The following HES3 variants were observed in gnomAD, a reference collection of about 807,000 sequenced individuals.
HES3 encodes hes family bHLH transcription factor 3, also known as transcription factor HES-3.
HES3 carries 6 observed loss-of-function variants against 8.0 expected under a neutral mutation model. The observed-to-expected ratio is 0.75, with a 90% CI of 0.41 to 1.49. The LOEUF is 1.49. Ranked by LOEUF, HES3 falls within the 40% of genes most tolerant of loss-of-function variation. HES3 has a pLI of 0.01. For synonymous variants in HES3, 121 were observed against 119.4 expected (o/e 1.01, Z -0.09); for missense variants, 266 against 260.9 (o/e 1.02, Z -0.13).
chr1:6,245,017 C>T, intron 3 of HES3, 93 bp from the exon 4 acceptor site: 1 of 253,350 alleles, frequency 3.9e-6, no homozygotes, highest in Non-Finnish European at 7.6e-6. Flanking sequence ...TTCCTCCCCT[C>T]CCCTCCCTCC....
chr1:6,244,290 T>TG (rs978473236), intron 1 of HES3, 49 bp downstream of exon 1: 151 of 1,346,132 alleles, frequency 1.1e-4, no homozygotes, highest in South Asian at 2.7e-4. Context: ...CCGGGAGGTG[T>TG]GGGGGGGTGC....
chr1:6,244,215 G>A lies in HES3; in HGVS notation c.-42G>A, dbSNP rs994029364. 7.3e-6 allele frequency: 5 copies of A among 680,684 alleles called. No homozygotes were observed. Among genetic ancestry groups the A allele is most frequent in the Non-Finnish European group, 1.3e-5 (5 of 384,808 alleles). The allele number at this position is 680,684 out of a possible 1,614,324, so 42.2% of individuals were successfully genotyped here. A position where few individuals can be genotyped will look rare whatever the true frequency, so the allele number is the denominator to read the frequency against. ...CATGGGCACGGAGCCTGCTGCCCGG[G>A]GCAGCCTCCCCGGCAACTTCCGAAA... On this transcript the variant is annotated 5_prime_UTR_variant, in exon 1 of 4. Transcript: ENST00000377898.
chr1:6,245,333 G>T lies in HES3; in HGVS notation c.387G>T (p.Pro129=). 1.3e-6 allele frequency: 2 copies of T among 1,500,610 alleles called. No homozygotes were observed. Among genetic ancestry groups the T allele is most frequent in the Non-Finnish European group, 1.8e-6 (2 of 1,133,094 alleles). 93.0% of individuals were successfully genotyped at this position (1,500,610 alleles called of 1,614,324 possible). Residue 129 remains proline (P), a synonymous_variant, in exon 4 of 4, where the codon CCG becomes CCT. Transcript: ENST00000377898. ...CCCCTGCCGTCTGGGCTCCTGCTCC[G>T]GCCGCCGGCGGCCCGCGGTCCCCAC... is the stretch of plus-strand genomic sequence containing the variant. ...PCTPAVWAPA[P]AAGGPRSPPP...
In HES3 at chr1:6,245,083, G is replaced by A. The variant is rs1442846942; in HGVS notation, c.164-27G>A. The A allele has an allele frequency of 1.2e-5, 14 of 1,181,482 alleles. No individual in the cohort carries two copies. In the East Asian group the frequency reaches 3.7e-4, roughly 31 times the overall value. 73.2% of individuals were successfully genotyped at this position (1,181,482 alleles called of 1,614,324 possible). A position where few individuals can be genotyped will look rare whatever the true frequency, so the allele number is the denominator to read the frequency against. ...TCCCCTTCCCTCTCTTCCCCTCCCT[G>A]TTTCTCGCGTCCGCTCTTCCCCACA... On this transcript the variant is annotated intron_variant, in intron 3 of 3. Coordinates refer to ENST00000377898, the MANE Select transcript of HES3 (RefSeq NM_001024598.4).
Position 6,245,526 on chromosome 1 carries a change from C to G in HES3, c.*19C>G. ...GAACTGAAGGCGCTCCCTATTTGGT[C>G]TCGCGACACAGGGACTATTTTCAGC... On this transcript the variant is annotated 3_prime_UTR_variant, in exon 4 of 4. Transcript: ENST00000377898. 1 of 1,467,122 alleles carries G rather than the reference C, an allele frequency of 6.8e-7. No homozygotes were observed. The highest frequency in any genetic ancestry group is 8.9e-7 in the Non-Finnish European group (1 of 1,121,752). The allele number at this position is 1,467,122 out of a possible 1,614,324, so 90.9% of individuals were successfully genotyped here.
rs61744283 is a variant in HES3, at chr1:6,244,574, C to G, written c.108C>G (p.Ala36=). ...TCCGGAAGCGCAAATTGGAGAAGGC[C>G]GACATCCTGGAGTTGAGCGTGAAGT... is the stretch of plus-strand genomic sequence containing the variant. ...HQIRKRKLEK[A]DILELSVKYM... The change falls in exon 3 of 4, where the codon GCC becomes GCG. Residue 36 remains alanine (A), a synonymous_variant. Transcript: ENST00000377898. The G allele has an allele frequency of 4.0e-4, 647 of 1,613,554 alleles. 3 individuals are homozygous for G. The African/African-American group carries it at 7.3e-3, about 18-fold the overall frequency.
intron 3 of HES3, 145 bp from the exon 4 acceptor site, chr1:6,244,965 C>A: frequency 1.6e-6 from 1 of 631,296 alleles, no homozygotes; most frequent in Non-Finnish European, 2.7e-6. Context: ...CACGCTTCCT[C>A]CCTCCTTTCC....
chr1:6,245,543 AT>A lies in HES3; in HGVS notation c.*40del. On this transcript the variant is annotated 3_prime_UTR_variant, in exon 4 of 4. Transcript: ENST00000377898. ...TATTTGGTCTCGCGACACAGGGACT[AT>A]TTTCAGCACGCCCACAGTGACTGCC... The A allele has an allele frequency of 6.9e-7, 1 of 1,449,986 alleles. No individual in the cohort carries two copies. The highest frequency in any genetic ancestry group is 1.5e-5 in the South Asian group (1 of 68,192). The allele number at this position is 1,449,986 out of a possible 1,614,324, so 89.8% of individuals were successfully genotyped here.
chr1:6,244,909 AGACGTTCGGGTCGTCT>A (rs1365520689), intron 3 of HES3, among the ~76,000 whole-genome samples, 185 bp from the exon 4 acceptor site: 17 of 151,230 alleles, frequency 1.1e-4, no homozygotes, highest in Non-Finnish European at 1.2e-4. Context: ...ACCCCGGGGG[AGACGTTCGGGTCGTCT>A]GACCTCCGCC....
Position 6,244,621 on chromosome 1 carries a change from C to G in HES3, c.155C>G (p.Ser52Cys). 1 of 1,613,338 alleles carries G rather than the reference C, an allele frequency of 6.2e-7. No individual in the cohort carries two copies. The highest frequency in any genetic ancestry group is 1.1e-5 in the South Asian group (1 of 90,790). ...SVKYMRSLQN[S>C]LQGLWPVPRG... The stretch of plus-strand genomic sequence containing the variant: ...AAGTACATGAGAAGCCTTCAGAACT[C>G]CTTGCAAGGTATAGGGGAGGGCTGG... The change falls in exon 3 of 4, where the codon TCC becomes TGC. Residue 52 changes from serine (S) to cysteine (C), a missense_variant. By Grantham distance (112) the Ser-to-Cys change is moderately radical. Coordinates refer to ENST00000377898, the MANE Select transcript of HES3 (RefSeq NM_001024598.4).
chr1:6,245,289 G>A lies in HES3; in HGVS notation c.343G>A (p.Ala115Thr). Residue 115 changes from alanine to threonine, a missense_variant, in exon 4 of 4, where the codon GCG becomes ACG. By Grantham distance (58) the Ala-to-Thr change is moderately conservative. Transcript: ENST00000377898. ...CGCCGGGTTGGGCCAGGAGGCGCCC[G>A]CGCTGTTCCGCCCTTGCACCCCTGC... ...DSAGLGQEAP[A>T]LFRPCTPAVW... 6.7e-7 allele frequency: 1 copy of A among 1,496,618 alleles called. No individual in the cohort carries two copies. The highest frequency in any genetic ancestry group is 8.8e-7 in the Non-Finnish European group (1 of 1,132,036). 92.7% of individuals were successfully genotyped at this position (1,496,618 alleles called of 1,614,324 possible). A position where few individuals can be genotyped will look rare whatever the true frequency, so the allele number is the denominator to read the frequency against.
chr1:6,245,285 G>T lies in HES3; in HGVS notation c.339G>T (p.Ala113=), dbSNP rs1269491563. 1 of 1,494,648 alleles carries T rather than the reference G, an allele frequency of 6.7e-7. No individual in the cohort carries two copies. Among genetic ancestry groups the T allele is most frequent in the Non-Finnish European group, 8.8e-7 (1 of 1,131,352 alleles). The allele number at this position is 1,494,648 out of a possible 1,614,324, so 92.6% of individuals were successfully genotyped here. ...ACAGCGCCGGGTTGGGCCAGGAGGCGCCCGCGCTGTTCCGCCCTTGCACCC... is the reference window on the plus strand; with the variant it reads ...ACAGCGCCGGGTTGGGCCAGGAGGCTCCCGCGCTGTTCCGCCCTTGCACCC... ...TMDSAGLGQE[A]PALFRPCTPA... Residue 113 remains alanine (A), a synonymous_variant, in exon 4 of 4, where the codon GCG becomes GCT. Coordinates refer to ENST00000377898, the MANE Select transcript of HES3 (RefSeq NM_001024598.4).
chr1:6,244,781 A>T (rs1638266743), intron 3 of HES3, 152 bp downstream of exon 3: 1 of 746,958 alleles, frequency 1.3e-6, no homozygotes, highest in Non-Finnish European at 2.2e-6. Context: ...AAATATAAAG[A>T]GGACAACTCG....
chr1:6,244,322 C>A (rs1571232353), intron 1 of HES3, 29 bp from the exon 2 acceptor site: 1 of 1,588,940 alleles, frequency 6.3e-7, no homozygotes, highest in Non-Finnish European at 8.6e-7. Flanking sequence ...GGGTGGCAGT[C>A]CTGCACTCTA....
chr1:6,245,460 C>A lies in HES3; in HGVS notation c.514C>A (p.Leu172Met). The change falls in exon 4 of 4, where the codon CTG (leucine) becomes ATG (methionine). Residue 172 changes from leucine to methionine, a missense_variant. Leu to Met is a conservative substitution (Grantham distance 15). Coordinates refer to ENST00000377898, the MANE Select transcript of HES3 (RefSeq NM_001024598.4). ...CTGCGCCGAGAGTCCCGGGCTGGGCCTGCGCGTGTGGCGGCCCTGGGGAAG... is the reference window on the plus strand; with the variant it reads ...CTGCGCCGAGAGTCCCGGGCTGGGCATGCGCGTGTGGCGGCCCTGGGGAAG... ...SRCAESPGLG[L>M]RVWRPWGSPG... The A allele has an allele frequency of 6.5e-7, 1 of 1,529,332 alleles. No individual in the cohort carries two copies. The highest frequency in any genetic ancestry group is 8.7e-7 in the Non-Finnish European group (1 of 1,152,600). The allele number at this position is 1,529,332 out of a possible 1,614,324, so 94.7% of individuals were successfully genotyped here.
Position 6,245,492 on chromosome 1 carries a change from G to T in HES3, c.546G>T (p.Gly182=). Residue 182 remains glycine, a synonymous_variant, in exon 4 of 4, where the codon GGG becomes GGT. Coordinates refer to ENST00000377898, the MANE Select transcript of HES3 (RefSeq NM_001024598.4). ...TGTGGCGGCCCTGGGGAAGCCCCGG[G>T]GATGACCTGAACTGAAGGCGCTCCC... ...LRVWRPWGSP[G]DDLN The T allele has an allele frequency of 6.6e-7, 1 of 1,512,064 alleles. No homozygotes were observed. Among genetic ancestry groups the T allele is most frequent in the South Asian group, 1.3e-5 (1 of 77,794 alleles). 93.7% of individuals were successfully genotyped at this position (1,512,064 alleles called of 1,614,324 possible).
chr1:6,244,692 G>A (rs938998675), intron 3 of HES3, 63 bp downstream of exon 3: 6 of 1,450,460 alleles, frequency 4.1e-6, no homozygotes, highest in South Asian at 3.6e-5. Context: ...GGATGCACAA[G>A]GCCAAATAAA....
In HES3 at chr1:6,244,193, G is replaced by A. The variant is rs1571232296; in HGVS notation, c.-64G>A. On this transcript the variant is annotated 5_prime_UTR_variant, in exon 1 of 4. The change abolishes an upstream ATG in the 5' untranslated region. Coordinates refer to ENST00000377898, the MANE Select transcript of HES3 (RefSeq NM_001024598.4). ...CGCACTGGTGCATGGACTGCAACAT[G>A]GGCACGGAGCCTGCTGCCCGGGGCA... is the stretch of plus-strand genomic sequence containing the variant. The A allele has an allele frequency of 1.4e-5, 9 of 631,160 alleles. No homozygotes were observed. The East Asian group carries it at 2.5e-4, about 17-fold the overall frequency. The allele number at this position is 631,160 out of a possible 1,614,324, so 39.1% of individuals were successfully genotyped here.
In HES3 at chr1:6,245,498, C is replaced by G; in HGVS notation, c.552C>G (p.Asp184Glu). 2.7e-6 allele frequency: 4 copies of G among 1,502,432 alleles called. No homozygotes were observed. Among genetic ancestry groups the G allele is most frequent in the African/African-American group, 1.5e-5 (1 of 68,680 alleles). 93.1% of individuals were successfully genotyped at this position (1,502,432 alleles called of 1,614,324 possible). ...GGCCCTGGGGAAGCCCCGGGGATGA[C>G]CTGAACTGAAGGCGCTCCCTATTTG... is the stretch of plus-strand genomic sequence containing the variant. Reference protein sequence around the residue: ...VWRPWGSPGDDLN With the variant: ...VWRPWGSPGDELN Residue 184 changes from aspartate to glutamate, a missense_variant, in exon 4 of 4, where the codon GAC becomes GAG. Transcript: ENST00000377898.
Sources: allele counts gnomAD v4.1 joint callset (sites outside exome capture counted in the v4.1 genomes callset), GRCh38; gene constraint gnomAD v4.1.1; transcripts MANE v1.5; gene names NCBI Gene and HGNC (gene_info 2026-07-23, HGNC 2026-07-21).